Variants in KIAA1328 observed in about 807,000 individuals in gnomAD.
KIAA1328 encodes the protein KIAA1328.
A neutral mutation model predicts 68.1 loss-of-function variants in KIAA1328; 52 were observed. The ratio of observed to expected loss-of-function variants is 0.76; its 90% CI spans 0.61 to 0.96. The LOEUF (loss-of-function observed/expected upper bound fraction) is 0.96, where lower values mean the gene tolerates loss of function less well. Among genes scored for constraint, KIAA1328 ranks in the 40% least tolerant of loss-of-function variants. The probability of loss-of-function intolerance (pLI) is 0.00; values close to 1 mark genes in which losing one functional copy is unlikely to be tolerated. For missense variants in KIAA1328, 641 were observed against 677.6 expected (o/e 0.95, Z 0.60); for synonymous variants, 232 against 239.4 (o/e 0.97, Z 0.28).
chr18:37,104,220 T>A (rs924710758), intron 7 of KIAA1328, among the ~76,000 whole-genome samples: 1 of 152,202 alleles, frequency 6.6e-6, no homozygotes, highest in Non-Finnish European at 1.5e-5. Context: ...TACACCCCCG[T>A]GTTTATTATA....
chr18:36,941,622 ATATT>A (rs1281866007), intron 5 of KIAA1328, among the ~76,000 whole-genome samples: 2 of 152,156 alleles, frequency 1.3e-5, no homozygotes, highest in South Asian at 4.1e-4. Flanking sequence ...ATGTATATAA[ATATT>A]AATTAATTAA....
chr18:36,896,652 A>G (rs1437217173), intron 5 of KIAA1328, among the ~76,000 whole-genome samples: 1 of 152,208 alleles, frequency 6.6e-6, no homozygotes, highest in African/African-American at 2.4e-5. Context: ...TGTTCTGGAT[A>G]AATGGTACTA....
intron 7 of KIAA1328, among the ~76,000 whole-genome samples, chr18:37,079,902 C>T (rs1041390127): frequency 7.1e-6 from 1 of 140,012 alleles, no homozygotes; most frequent in Admixed American, 7.2e-5. Flanking sequence ...AAAAAAAAAA[C>T]AGTTCAATAA....
chr18:37,223,481 C>T lies in KIAA1328; in HGVS notation c.*1254C>T. Reference sequence around the variant, plus strand: ...ATCCTGGTTTAGCCAGAGTTCAAAACTCTCCAGTCATTGAAAGCAAGGGGA... The same window carrying T: ...ATCCTGGTTTAGCCAGAGTTCAAAATTCTCCAGTCATTGAAAGCAAGGGGA... On this transcript the variant is annotated 3_prime_UTR_variant, in exon 10 of 10. Transcript: ENST00000280020. 1 of 985,404 alleles carries T rather than the reference C, an allele frequency of 1.0e-6. No individual in the cohort carries two copies. The highest frequency in any genetic ancestry group is 1.2e-6 in the Non-Finnish European group (1 of 829,950). The allele number at this position is 985,404 out of a possible 1,614,324, so 61.0% of individuals were successfully genotyped here. A position where few individuals can be genotyped will look rare whatever the true frequency, so the allele number is the denominator to read the frequency against.
chr18:37,119,157 A>G (rs547901300), intron 7 of KIAA1328, among the ~76,000 whole-genome samples: 75 of 152,192 alleles, frequency 4.9e-4, no homozygotes, highest in Non-Finnish European at 7.9e-4. Flanking sequence ...TTGCAAAAGT[A>G]TTATGTGCAT....
intron 7 of KIAA1328, among the ~76,000 whole-genome samples, chr18:37,110,011 G>A (rs578117661): frequency 1.3e-5 from 2 of 151,054 alleles, no homozygotes; most frequent in South Asian, 4.2e-4. Context: ...TATTTCCCAG[G>A]AGACAGAGAA....
chr18:36,928,967 A>G (rs932422368), intron 5 of KIAA1328, among the ~76,000 whole-genome samples: 3 of 152,112 alleles, frequency 2.0e-5, no homozygotes, highest in African/African-American at 7.2e-5. Context: ...ATTCTTTCCC[A>G]TACTGTATCC....
intron 6 of KIAA1328, among the ~76,000 whole-genome samples, chr18:36,978,880 G>A (rs1419760007): frequency 6.6e-6 from 1 of 152,194 alleles, no homozygotes; most frequent in East Asian, 1.9e-4. Context: ...AACATTATAT[G>A]AACTGGGCAC....
chr18:36,829,180 G>T lies in KIAA1328; in HGVS notation c.42G>T (p.Ala14=), dbSNP rs1050473123. The change falls in exon 1 of 10, where the codon GCG becomes GCT. Residue 14 remains alanine, a synonymous_variant. Coordinates refer to ENST00000280020, the MANE Select transcript of KIAA1328 (RefSeq NM_020776.3). ...GCCCCTCCCGCCCCAGTGCCGCGGC[G>T]TTCTGGAGCCGGGACTGTATCCTTT... is the stretch of plus-strand genomic sequence containing the variant. ...VAGPSRPSAA[A]FWSRDFSDEE... 3 of 1,532,814 alleles carry T rather than the reference G, an allele frequency of 2.0e-6. No individual in the cohort carries two copies. The highest frequency in any genetic ancestry group is 2.4e-5 in the South Asian group (2 of 82,452). 95.0% of individuals were successfully genotyped at this position (1,532,814 alleles called of 1,614,324 possible). A position where few individuals can be genotyped will look rare whatever the true frequency, so the allele number is the denominator to read the frequency against.
intron 5 of KIAA1328, among the ~76,000 whole-genome samples, chr18:36,939,273 T>A (rs2050619182): frequency 6.6e-6 from 1 of 152,194 alleles, no homozygotes; most frequent in African/African-American, 2.4e-5. Flanking sequence ...TCCTCAATGT[T>A]TTATAATTTT....
At chr18:36,974,894 GT>G (rs2052398013) in intron 6 of KIAA1328, among the ~76,000 whole-genome samples, 2 of 152,166 alleles carry the variant, frequency 1.3e-5, no homozygotes, top group Non-Finnish European at 2.9e-5. Flanking sequence ...GTATAATCTA[GT>G]ACTAAACAGA....
chr18:36,965,165 T>A (rs574904751), intron 6 of KIAA1328, among the ~76,000 whole-genome samples: 102 of 152,164 alleles, frequency 6.7e-4, no homozygotes, highest in Non-Finnish European at 1.2e-3. Context: ...TTAGGATTTC[T>A]TTTATTTCCT....
At chr18:37,005,784 A>G (rs917963808) in intron 6 of KIAA1328, among the ~76,000 whole-genome samples, 1 of 152,204 alleles carries the variant, frequency 6.6e-6, no homozygotes, top group African/African-American at 2.4e-5. Flanking sequence ...AAAGAATGAA[A>G]TCATGTCATT....
chr18:37,055,140 G>A (rs1020944613), intron 6 of KIAA1328, among the ~76,000 whole-genome samples: 12 of 152,136 alleles, frequency 7.9e-5, no homozygotes, highest in African/African-American at 2.9e-4. Flanking sequence ...ATGGCCTACA[G>A]CTTCGGCTGC....
intron 7 of KIAA1328, among the ~76,000 whole-genome samples, chr18:37,083,471 G>GCC (rs2057009795): frequency 6.6e-6 from 1 of 152,178 alleles, no homozygotes; most frequent in Non-Finnish European, 1.5e-5. Flanking sequence ...TTTCTTAAAA[G>GCC]CCGAGAGAAT....
chr18:37,095,928 T>A (rs558965813), intron 7 of KIAA1328, among the ~76,000 whole-genome samples: 7 of 152,142 alleles, frequency 4.6e-5, no homozygotes, highest in Non-Finnish European at 8.8e-5. Context: ...TGTACCATAA[T>A]TGAACCGGGA....
At chr18:37,062,229 G>T (rs1392665926) in intron 6 of KIAA1328, among the ~76,000 whole-genome samples, 3 of 152,024 alleles carry the variant, frequency 2.0e-5, no homozygotes, top group South Asian at 2.1e-4. Context: ...CACTTTAGAA[G>T]AAGTTTAGAT....
intron 8 of KIAA1328, among the ~76,000 whole-genome samples, chr18:37,169,043 G>A (rs544550756): frequency 2.1e-4 from 32 of 151,674 alleles, no homozygotes; most frequent in Non-Finnish European, 3.8e-4. Context: ...ATATATGTGC[G>A]TGTTTATGTA....
chr18:36,948,856 A>G (rs2051022759), intron 5 of KIAA1328, among the ~76,000 whole-genome samples: 1 of 152,122 alleles, frequency 6.6e-6, no homozygotes, highest in African/African-American at 2.4e-5. Flanking sequence ...GACTTTTTTT[A>G]AAGAGCTTTC....
Sources: gnomAD v4.1 joint callset for allele counts (sites outside exome capture counted in the v4.1 genomes callset) on GRCh38, gnomAD v4.1.1 for gene constraint, MANE v1.5 for transcripts, NCBI Gene and HGNC (gene_info 2026-07-23, HGNC 2026-07-21) for gene names.